Variants in UCK2 observed in about 807,000 individuals in gnomAD.
UCK2 encodes the protein cytidine monophosphokinase 2.
Under a neutral mutation model 30.8 loss-of-function variants are expected in UCK2, and 6 were observed. That is an observed-to-expected ratio of 0.19 (90% CI 0.11 to 0.38). UCK2 has a LOEUF of 0.38. UCK2 is among the 10% of genes least tolerant of loss of function. UCK2 has a pLI of 1.00. For missense variants in UCK2, 210 were observed against 339.8 expected (o/e 0.62, Z 3.00); for synonymous variants, 125 against 133.6 (o/e 0.94, Z 0.45).
chr1:165,855,795 C>A (rs1654729165), intron 1 of UCK2, among the ~76,000 whole-genome samples: 1 of 152,130 alleles, frequency 6.6e-6, no homozygotes, highest in Non-Finnish European at 1.5e-5. Context: ...CGTCACAGAG[C>A]CAGCCTGGCC....
intron 6 of UCK2, among the ~76,000 whole-genome samples, chr1:165,906,492 C>T (rs181666535): frequency 1.5e-4 from 23 of 152,266 alleles, no homozygotes; most frequent in Non-Finnish European, 2.2e-4. Context: ...CCCAGCCTCC[C>T]GGTAGCTGGG....
At chr1:165,829,135 C>T (rs1462580423) in intron 1 of UCK2, among the ~76,000 whole-genome samples, 1 of 152,182 alleles carries the variant, frequency 6.6e-6, no homozygotes, top group South Asian at 2.1e-4. Context: ...CAGCCAGACA[C>T]GGCGGCTGGC....
chr1:165,835,501 C>T (rs1654165596), intron 1 of UCK2, among the ~76,000 whole-genome samples: 1 of 151,782 alleles, frequency 6.6e-6, no homozygotes, highest in African/African-American at 2.4e-5. Context: ...GTACTGGGCC[C>T]CATCACATAT....
At chr1:165,881,913 C>T (rs938067739) in intron 1 of UCK2, among the ~76,000 whole-genome samples, 4 of 152,194 alleles carry the variant, frequency 2.6e-5, no homozygotes, top group African/African-American at 9.7e-5. Context: ...TGTTGATCAG[C>T]CAGAAGATCT....
chr1:165,834,979 G>A (rs1298969305), intron 1 of UCK2, among the ~76,000 whole-genome samples: 1 of 152,152 alleles, frequency 6.6e-6, no homozygotes, highest in African/African-American at 2.4e-5. Flanking sequence ...CAGCCCATAA[G>A]TATGCTATTT....
At chr1:165,840,158 A>G (rs1245911629) in intron 1 of UCK2, among the ~76,000 whole-genome samples, 1 of 152,234 alleles carries the variant, frequency 6.6e-6, no homozygotes, top group Admixed American at 6.5e-5. Flanking sequence ...ACCTCAAGTT[A>G]TCCCCCGGCA....
chr1:165,851,666 C>T (rs927472752), intron 1 of UCK2, among the ~76,000 whole-genome samples: 4 of 151,800 alleles, frequency 2.6e-5, no homozygotes, highest in African/African-American at 4.8e-5. Context: ...ATGTGCAGAA[C>T]GTGCGGGTTT....
At position 165,900,315 on chromosome 1, in the gene UCK2, G is replaced by A. The variant is rs571881664; in HGVS notation, c.500-2867G>A. 6 of 152,320 alleles carry A rather than the reference G, an allele frequency of 3.9e-5. No individual in the cohort carries two copies. In the South Asian group the frequency reaches 1.2e-3, roughly 32 times the overall value. The allele number at this position is 152,320 out of a possible 1,614,324, so 9.4% of individuals were successfully genotyped here. On this transcript the variant is annotated intron_variant, in intron 4 of 6. Coordinates refer to ENST00000367879, the MANE Select transcript of UCK2 (RefSeq NM_012474.5). Reference sequence around the variant, plus strand: ...GTGCTAAGGTGCCAGCTATGGTGCTGAAGAGTTTTATGCACATCTCTGTAT... The same window carrying A: ...GTGCTAAGGTGCCAGCTATGGTGCTAAAGAGTTTTATGCACATCTCTGTAT...
chr1:165,870,201 A>AG (rs1655159621), intron 1 of UCK2, among the ~76,000 whole-genome samples: 1 of 94,708 alleles, frequency 1.1e-5, no homozygotes, highest in African/African-American at 3.9e-5. Flanking sequence ...GTCTAACTTC[A>AG]TTTTTTTTTT....
intron 1 of UCK2, among the ~76,000 whole-genome samples, chr1:165,879,548 A>ATTATTATTAT (rs1366836134): frequency 6.7e-6 from 1 of 149,188 alleles, no homozygotes; most frequent in African/African-American, 2.5e-5. Flanking sequence ...TTTGCTTTTT[A>ATTATTATTAT]TTATTATTAT....
intron 2 of UCK2, chr1:165,890,760 G>A: frequency 4.0e-6 from 1 of 247,140 alleles, no homozygotes; most frequent in East Asian, 9.7e-5. Context: ...AGATGGAGGG[G>A]CAGGGTGGCT....
At chr1:165,880,719 A>G (rs139473730) in intron 1 of UCK2, among the ~76,000 whole-genome samples, 2 of 152,288 alleles carry the variant, frequency 1.3e-5, no homozygotes, top group East Asian at 3.9e-4. Context: ...TTCTATATGG[A>G]ATAATCTTAA....
chr1:165,904,631 C>G (rs1026476907), intron 5 of UCK2, among the ~76,000 whole-genome samples: 4 of 152,212 alleles, frequency 2.6e-5, no homozygotes, highest in African/African-American at 4.8e-5. Context: ...TCCAGCCACT[C>G]TTTGCTCAGG....
chr1:165,850,927 ATTTTTTTT>A (rs61491030), intron 1 of UCK2, among the ~76,000 whole-genome samples: 1,158 of 109,922 alleles, frequency 0.011, 16 homozygotes, highest in African/African-American at 0.032. Flanking sequence ...TGGCCTTTAA[ATTTTTTTT>A]TTTTTTTTTT....
At chr1:165,880,969 C>T (rs1011164636) in intron 1 of UCK2, among the ~76,000 whole-genome samples, 3 of 151,744 alleles carry the variant, frequency 2.0e-5, no homozygotes, top group Non-Finnish European at 4.4e-5. Flanking sequence ...GTCAGGAGTT[C>T]GAGACCAGCC....
chr1:165,884,330 C>T (rs55774748), intron 1 of UCK2, among the ~76,000 whole-genome samples: 1 of 152,362 alleles, frequency 6.6e-6, no homozygotes, highest in African/African-American at 2.4e-5. Flanking sequence ...TTTCTTCCCT[C>T]TGAGCAGCCC....
chr1:165,897,180 G>A (rs897294249), intron 4 of UCK2, among the ~76,000 whole-genome samples: 1 of 152,098 alleles, frequency 6.6e-6, no homozygotes, highest in African/African-American at 2.4e-5. Flanking sequence ...GTAGGTTGGG[G>A]TCTGGTTTTA....
intron 1 of UCK2, among the ~76,000 whole-genome samples, chr1:165,843,737 C>G (rs1182366872): frequency 3.3e-5 from 5 of 152,254 alleles, no homozygotes; most frequent in Non-Finnish European, 5.9e-5. Context: ...GAGACCCTGT[C>G]TCTAAAAAAC....
At chr1:165,892,628 AG>A (rs1655799638) in intron 3 of UCK2, 1 of 152,228 alleles carries the variant, frequency 6.6e-6, no homozygotes, top group Non-Finnish European at 1.5e-5. Context: ...GTTCTCCCTT[AG>A]GGGGAAGTGG....
Sources: allele counts gnomAD v4.1 joint callset (sites outside exome capture counted in the v4.1 genomes callset), GRCh38; gene constraint gnomAD v4.1.1; transcripts MANE v1.5; gene names NCBI Gene and HGNC (gene_info 2026-07-23, HGNC 2026-07-21).